Variants in CELF2 observed in about 807,000 individuals in gnomAD.
CELF2 encodes CUGBP Elav-like family member 2, also known as CUG triplet repeat RNA-binding protein 2.
CELF2 carries 8 observed loss-of-function variants against 62.6 expected under a neutral mutation model. The observed-to-expected ratio is 0.13, with a 90% CI of 0.07 to 0.23. The LOEUF is 0.23. Among genes scored for constraint, CELF2 ranks in the 10% least tolerant of loss-of-function variants. CELF2 has a pLI of 1.00. For synonymous variants in CELF2, 258 were observed against 250.0 expected (o/e 1.03, Z -0.30); for missense variants, 333 against 671.0 (o/e 0.50, Z 5.56).
the CELF2 span, among the ~76,000 whole-genome samples, chr10:10,470,137 G>C: frequency 0.23 from 35,231 of 151,516 alleles, 4,695 homozygotes; most frequent in African/African-American, 0.37. Context: ...AACCCTTCTG[G>C]TCTCAAGCAT....
intron 1 of CELF2, among the ~76,000 whole-genome samples, chr10:10,885,028 G>A (rs1312501080): frequency 6.6e-6 from 1 of 152,198 alleles, no homozygotes; most frequent in African/African-American, 2.4e-5. Context: ...CAGATCATGA[G>A]GTCAGGAGTT....
intron 1 of CELF2, among the ~76,000 whole-genome samples, chr10:10,910,282 A>C (rs6602462): frequency 0.86 from 130,399 of 152,182 alleles, 55,950 homozygotes; most frequent in South Asian, 0.94. Context: ...TAATTCAGCA[A>C]TATTAACTGC....
rs566865930 is a variant in CELF2 at position 11,211,980 on chromosome 10, T to G, written c.272-5445T>G. ...GAACTCTTCATGACAGCAGAAACTA[T>G]TAGTGAAAAAATATAGCGAGACACC... On this transcript the variant is annotated intron_variant, in intron 2 of 12. Coordinates refer to ENST00000633077, the MANE Select transcript of CELF2 (RefSeq NM_001326342.2). This position sits in a 1 kb window ranked among gnomAD's most constrained non-coding sequence, Gnocchi z 4.8. Among the ~76,000 whole-genome samples, 1 of 152,168 alleles carries G rather than the reference T, an allele frequency of 6.6e-6. No homozygotes were observed. Among genetic ancestry groups the G allele is most frequent in the South Asian group, 2.1e-4 (1 of 4,818 alleles).
At chr10:10,582,865 A>G in the CELF2 span, among the ~76,000 whole-genome samples, 1 of 152,328 alleles carries the variant, frequency 6.6e-6, no homozygotes, top group East Asian at 1.9e-4. Flanking sequence ...TTGCATTAAT[A>G]CAAATACTGT....
chr10:10,641,607 A>AT, the CELF2 span, among the ~76,000 whole-genome samples: 5 of 151,958 alleles, frequency 3.3e-5, no homozygotes, highest in East Asian at 3.9e-4. Context: ...CATCCAGCTA[A>AT]TTTTTGTATT....
At chr10:10,834,923 C>A (rs1045121186) in intron 1 of CELF2, among the ~76,000 whole-genome samples, 1 of 152,164 alleles carries the variant, frequency 6.6e-6, no homozygotes, top group Non-Finnish European at 1.5e-5. Context: ...GGCTCCACAC[C>A]TTTGAACCAT....
intron 2 of CELF2, among the ~76,000 whole-genome samples, chr10:10,940,916 C>G (rs1427835178): frequency 6.6e-6 from 1 of 152,124 alleles, no homozygotes; most frequent in Non-Finnish European, 1.5e-5. Flanking sequence ...GTGAATTACC[C>G]TGTAGTACTA....
rs573552225 is a variant in CELF2 at position 11,272,442 on chromosome 10, G to A, written c.777+1618G>A. Among the ~76,000 whole-genome samples, 4 of 152,224 alleles carry A rather than the reference G, an allele frequency of 2.6e-5. 1 individual carries two copies. The South Asian group carries it at 6.2e-4, about 24-fold the overall frequency. Reference sequence around the variant, plus strand: ...AATTTTTGTCTGAGGCTGACATCACGCTCACCTTCCTGTACTTTCTAAGAG... The same window carrying A: ...AATTTTTGTCTGAGGCTGACATCACACTCACCTTCCTGTACTTTCTAAGAG... On this transcript the variant is annotated intron_variant, in intron 7 of 12. Transcript: ENST00000633077.
rs536438099 is a variant in CELF2 at position 11,029,620 on chromosome 10, A to G, written c.74+11457A>G. On this transcript the variant is annotated intron_variant, in intron 1 of 12. Coordinates refer to ENST00000633077, the MANE Select transcript of CELF2 (RefSeq NM_001326342.2). The stretch of plus-strand genomic sequence containing the variant: ...ACTTTGCATTAGGGTGAACCAGGGA[A>G]CTTTGCTGGAGGCAGGGGGGCCTTT... Among the ~76,000 whole-genome samples the G allele has an allele frequency of 2.0e-5, 3 of 152,312 alleles. No homozygotes were observed. In the South Asian group the frequency reaches 6.2e-4, roughly 32 times the overall value.
chr10:10,933,552 C>T (rs577907262), intron 2 of CELF2, among the ~76,000 whole-genome samples: 30 of 152,252 alleles, frequency 2.0e-4, no homozygotes, highest in African/African-American at 5.1e-4. Context: ...TAGTATCCAA[C>T]GGTAACTTTA....
the CELF2 span, among the ~76,000 whole-genome samples, chr10:10,567,692 A>ACC: frequency 6.6e-6 from 1 of 151,794 alleles, no homozygotes; most frequent in Non-Finnish European, 1.5e-5. Context: ...GTTATTAGCA[A>ACC]CCCCCTACCC....
intron 1 of CELF2, among the ~76,000 whole-genome samples, chr10:10,852,728 C>T (rs908980403): frequency 1.4e-4 from 22 of 152,224 alleles, no homozygotes; most frequent in Admixed American, 8.5e-4. Context: ...AAAGCATTCA[C>T]ATGATCTGTC....
the CELF2 span, among the ~76,000 whole-genome samples, chr10:10,727,099 C>T: frequency 5.3e-5 from 8 of 152,158 alleles, no homozygotes; most frequent in African/African-American, 1.7e-4. Context: ...TCACCCATCA[C>T]GATCAGATCA....
intron 2 of CELF2, chr10:10,937,495 T>A (rs1592152168): frequency 6.6e-6 from 1 of 152,318 alleles, no homozygotes; most frequent in East Asian, 1.9e-4. Flanking sequence ...CAAAGCATTT[T>A]GGAAACTGGT....
the CELF2 span, among the ~76,000 whole-genome samples, chr10:10,476,285 T>TCA: frequency 6.6e-6 from 1 of 152,158 alleles, no homozygotes; most frequent in Non-Finnish European, 1.5e-5. Flanking sequence ...GTAGGTTCAG[T>TCA]CACACGGTGT....
intron 4 of CELF2, among the ~76,000 whole-genome samples, chr10:11,253,306 G>T (rs1374409024): frequency 6.6e-6 from 1 of 152,218 alleles, no homozygotes; most frequent in Non-Finnish European, 1.5e-5. Context: ...AGCCTGCTGT[G>T]TGTGTCTCTC....
At chr10:11,248,434 C>CTCCATCCTTCCT (rs540255280) in intron 3 of CELF2, among the ~76,000 whole-genome samples, 5 of 152,152 alleles carry the variant, frequency 3.3e-5, no homozygotes, top group Admixed American at 1.3e-4. Flanking sequence ...CCCTCCTCCT[C>CTCCATCCTTCCT]TCCATCCTTC....
chr10:10,628,288 C>G, the CELF2 span, among the ~76,000 whole-genome samples: 5 of 152,206 alleles, frequency 3.3e-5, no homozygotes, highest in South Asian at 1.0e-3. Context: ...CCTCATGTCT[C>G]TAGAACCAAA....
chr10:10,519,051 G>A, the CELF2 span, among the ~76,000 whole-genome samples: 10 of 152,172 alleles, frequency 6.6e-5, no homozygotes, highest in Admixed American at 1.3e-4. Context: ...TCTGAGACTC[G>A]ATATGAATAA....
Sources: gnomAD v4.1 joint callset for allele counts (sites outside exome capture counted in the v4.1 genomes callset) on GRCh38, gnomAD v4.1.1 for gene constraint, Gnocchi (gnomAD v3.1) non-coding constraint, MANE v1.5 for transcripts, NCBI Gene and HGNC (gene_info 2026-07-23, HGNC 2026-07-21) for gene names.